WDR59: variants seen among roughly 807,000 people sequenced by gnomAD.
WDR59 encodes the protein GATOR2 complex protein WDR59.
A neutral mutation model predicts 131.2 loss-of-function variants in WDR59; 100 were observed. That is an observed-to-expected ratio of 0.76 (90% CI 0.65 to 0.90). The LOEUF is 0.90. Among genes scored for constraint, WDR59 ranks in the 40% least tolerant of loss-of-function variants. WDR59 has a pLI of 0.00. For synonymous variants in WDR59, 601 were observed against 466.2 expected (o/e 1.29, Z -3.72); for missense variants, 1,203 against 1,262.2 (o/e 0.95, Z 0.71).
At chr16:74,947,532 T>G (rs1173613543) in intron 6 of WDR59, among the ~76,000 whole-genome samples, 2 of 152,244 alleles carry the variant, frequency 1.3e-5, no homozygotes, top group East Asian at 3.9e-4. Context: ...ATGAGAAATA[T>G]ATCAACCACT....
At chr16:74,973,198 G>A (rs1394117039) in intron 1 of WDR59, among the ~76,000 whole-genome samples, 3 of 152,118 alleles carry the variant, frequency 2.0e-5, no homozygotes, top group Admixed American at 6.6e-5. Context: ...CCAAGATTGC[G>A]CCATTGCACT....
rs1271749048 is a variant in WDR59, at chr16:74,874,175, C to T, written c.*34G>A. ...CTTGTCACCGGCACTTATGGGTCCT[C>T]TGGGATTTCAGACAATACCCAACTT... is the stretch of plus-strand genomic sequence containing the variant. On this transcript the variant is annotated 3_prime_UTR_variant, in exon 26 of 26. Coordinates refer to ENST00000262144, the MANE Select transcript of WDR59 (RefSeq NM_030581.4). 6.4e-7 allele frequency: 1 copy of T among 1,573,878 alleles called. No homozygotes were observed. Among genetic ancestry groups the T allele is most frequent in the Non-Finnish European group, 8.7e-7 (1 of 1,152,054 alleles).
At position 74,873,302 on chromosome 16, in the gene WDR59, T is replaced by A. The variant is rs1342130009; in HGVS notation, c.*907A>T. On this transcript the variant is annotated 3_prime_UTR_variant, in exon 26 of 26. Transcript: ENST00000262144. The stretch of plus-strand genomic sequence containing the variant: ...CTCAGGTGATCCCCTCACTTTTGCC[T>A]TCTAAAGTGTGGGATTACAGGCATG... 6.6e-6 allele frequency: 1 copy of A among 152,220 alleles called. No homozygotes were observed. The highest frequency in any genetic ancestry group is 1.5e-5 in the Non-Finnish European group (1 of 68,090). 9.4% of individuals were successfully genotyped at this position (152,220 alleles called of 1,614,324 possible).
At chr16:74,971,706 T>A (rs903700402) in intron 1 of WDR59, among the ~76,000 whole-genome samples, 1 of 152,026 alleles carries the variant, frequency 6.6e-6, no homozygotes, top group Non-Finnish European at 1.5e-5. Flanking sequence ...GTGCAGGGAT[T>A]ACAGGTGTGA....
chr16:74,889,143 C>T (rs946315200), intron 21 of WDR59, among the ~76,000 whole-genome samples: 2 of 152,208 alleles, frequency 1.3e-5, no homozygotes, highest in African/African-American at 2.4e-5. Context: ...AAGTCAGGAG[C>T]GTTTCTCTCC....
chr16:74,874,492 T>G (rs759899163), intron 25 of WDR59, 48 bp from the exon 26 acceptor site: 4 of 1,573,064 alleles, frequency 2.5e-6, no homozygotes, highest in Non-Finnish European at 3.5e-6. Flanking sequence ...ATGAGTTTAG[T>G]TCTGAAAAAG....
Position 74,909,604 on chromosome 16 carries a change from A to T in WDR59, c.1539T>A (p.Thr513=), listed in dbSNP as rs140120015. 6.0e-5 allele frequency: 97 copies of T among 1,606,280 alleles called. No homozygotes were observed. The highest frequency in any genetic ancestry group is 3.0e-4 in the African/African-American group (22 of 74,520). ...CCCGCGCAAACGTCGGTAAGGGGGG[A>T]GTGACAGAGTTGGGGAGTGCAAACG... ...SNPFALPNSV[T]PPLPTFARVT... Residue 513 remains threonine, a synonymous_variant, in exon 16 of 26, where the codon ACT becomes ACA. Coordinates refer to ENST00000262144, the MANE Select transcript of WDR59 (RefSeq NM_030581.4).
chr16:74,951,551 G>A lies in WDR59; in HGVS notation c.241-8C>T, dbSNP rs1747529023. 4.4e-6 allele frequency: 7 copies of A among 1,579,886 alleles called. No individual in the cohort carries two copies. The highest frequency in any genetic ancestry group is 2.3e-5 in the East Asian group (1 of 44,072). ...GTCTACTCGTTGGTTACTCTGAAAAGAAAGGAAAGAAGGCCACAGGCAAGT... is the reference window on the plus strand; with the variant it reads ...GTCTACTCGTTGGTTACTCTGAAAAAAAAGGAAAGAAGGCCACAGGCAAGT... On this transcript the variant is annotated splice_polypyrimidine_tract_variant and splice_region_variant and intron_variant, in intron 3 of 25. Coordinates refer to ENST00000262144, the MANE Select transcript of WDR59 (RefSeq NM_030581.4).
intron 18 of WDR59, among the ~76,000 whole-genome samples, chr16:74,895,060 C>G (rs1053534079): frequency 2.0e-5 from 3 of 152,110 alleles, no homozygotes; most frequent in African/African-American, 7.2e-5. Context: ...CCACTGATAT[C>G]CCATTTAATA....
intron 6 of WDR59, among the ~76,000 whole-genome samples, chr16:74,943,232 C>A (rs1322930855): frequency 1.5e-5 from 2 of 133,230 alleles, no homozygotes; most frequent in Non-Finnish European, 3.1e-5. Flanking sequence ...AGCTGTTATG[C>A]CTGCCCCCTT....
intron 7 of WDR59, among the ~76,000 whole-genome samples, chr16:74,940,850 C>T (rs1239811267): frequency 2.6e-5 from 4 of 151,942 alleles, no homozygotes; most frequent in Non-Finnish European, 4.4e-5. Context: ...GGACTACAGG[C>T]GCCCGCCATC....
rs551596579 is a variant in WDR59, at chr16:74,978,667, T to C, written c.54+6297A>G. Among the ~76,000 whole-genome samples, 154 of 152,210 alleles carry C rather than the reference T, an allele frequency of 1.0e-3. 1 individual carries two copies. The highest frequency in any genetic ancestry group is 1.3e-3 in the Non-Finnish European group (88 of 68,020). On this transcript the variant is annotated intron_variant, in intron 1 of 25. Coordinates refer to ENST00000262144, the MANE Select transcript of WDR59 (RefSeq NM_030581.4). ...TTTGGAGTGATGGAAACGTTCTACA[T>C]CATGATTACGGCAGTGGTTACATGA...
At chr16:74,913,088 G>A (rs1966185249) in intron 13 of WDR59, among the ~76,000 whole-genome samples, 1 of 147,850 alleles carries the variant, frequency 6.8e-6, no homozygotes, top group African/African-American at 2.5e-5. Flanking sequence ...GGGGGGGCCT[G>A]TTCCCAACAT....
rs1964947903 is a variant in WDR59 at position 74,889,717 on chromosome 16, C to T, written c.2181G>A (p.Gln727=). Residue 727 remains glutamine (Q), a synonymous_variant, in exon 21 of 26, where the codon CAG becomes CAA. Transcript: ENST00000262144. ...TCAAAACCTACAGGGACTCCAGCAG[C>T]TGCCGCCCAAATGGATGTCGAGCCC... ...TPWARHPFGR[Q]LLESLLAHYC... is the part of the protein sequence containing the mutation. 1 of 1,613,626 alleles carries T rather than the reference C, an allele frequency of 6.2e-7. No individual in the cohort carries two copies. Among genetic ancestry groups the T allele is most frequent in the Non-Finnish European group, 8.5e-7 (1 of 1,179,918 alleles).
At chr16:74,943,984 G>A (rs1050723543) in intron 6 of WDR59, among the ~76,000 whole-genome samples, 2 of 152,160 alleles carry the variant, frequency 1.3e-5, no homozygotes, top group Admixed American at 1.3e-4. Flanking sequence ...AGTATTAGGA[G>A]GTGGCTTCTT....
intron 1 of WDR59, among the ~76,000 whole-genome samples, chr16:74,967,967 T>A (rs2033840953): frequency 6.6e-6 from 1 of 151,906 alleles, no homozygotes; most frequent in Admixed American, 6.6e-5. Flanking sequence ...TTATTCAGCC[T>A]TAAAAGGGAA....
chr16:74,962,281 G>A (rs919681643), intron 2 of WDR59, among the ~76,000 whole-genome samples: 3 of 152,010 alleles, frequency 2.0e-5, no homozygotes, highest in South Asian at 2.1e-4. Context: ...GGCTCTTTTT[G>A]GGTTCCGTAT....
chr16:74,874,469 A>G, intron 25 of WDR59, 25 bp from the exon 26 acceptor site: 1 of 1,607,112 alleles, frequency 6.2e-7, no homozygotes, highest in South Asian at 1.1e-5. Context: ...GGACGGGCAA[A>G]ACAAGAGGCA....
rs964616663 is a variant in WDR59, at chr16:74,917,787, C to T, written c.966+142G>A. 74 of 647,986 alleles carry T rather than the reference C, an allele frequency of 1.1e-4. 1 individual carries two copies. Among genetic ancestry groups the T allele is most frequent in the South Asian group, 6.6e-4 (33 of 50,008 alleles). 40.1% of individuals were successfully genotyped at this position (647,986 alleles called of 1,614,324 possible). ...TCGTGCCACTGCACTCCAGCCTGGGCGATTCAGTGAGACGCACTCTCAAAA... is the reference window on the plus strand; with the variant it reads ...TCGTGCCACTGCACTCCAGCCTGGGTGATTCAGTGAGACGCACTCTCAAAA... On this transcript the variant is annotated intron_variant, in intron 11 of 25. Coordinates refer to ENST00000262144, the MANE Select transcript of WDR59 (RefSeq NM_030581.4).
Sources: allele counts gnomAD v4.1 joint callset (sites outside exome capture counted in the v4.1 genomes callset), GRCh38; gene constraint gnomAD v4.1.1; transcripts MANE v1.5; gene names NCBI Gene and HGNC (gene_info 2026-07-23, HGNC 2026-07-21).